Variants in GNPTAB observed in about 807,000 individuals in gnomAD.
GNPTAB encodes N-acetylglucosamine-1-phosphotransferase subunits alpha/beta.
GNPTAB carries 92 observed loss-of-function variants against 136.6 expected under a neutral mutation model. The ratio of observed to expected loss-of-function variants is 0.67; its 90% CI spans 0.57 to 0.80. The LOEUF (loss-of-function observed/expected upper bound fraction) is 0.80, where lower values mean the gene tolerates loss of function less well. GNPTAB is among the 30% of genes least tolerant of loss of function. The pLI, the probability that GNPTAB is intolerant of heterozygous loss-of-function variation, is 0.00. For missense variants in GNPTAB, 1,343 were observed against 1,501.8 expected (o/e 0.89, Z 1.75); for synonymous variants, 512 against 535.1 (o/e 0.96, Z 0.60).
intron 12 of GNPTAB, chr12:101,765,647 T>C (rs1466607668): frequency 5.4e-6 from 2 of 370,690 alleles, no homozygotes; most frequent in Non-Finnish European, 1.0e-5. Flanking sequence ...TGACTCACTA[T>C]AGAGATATGG....
chr12:101,759,196 T>C (rs941870857), intron 16 of GNPTAB, among the ~76,000 whole-genome samples: 20 of 152,006 alleles, frequency 1.3e-4, no homozygotes, highest in Non-Finnish European at 7.4e-5. Flanking sequence ...ACCCCGTCTC[T>C]ACTAAAAATA....
rs1181938103 is a variant in GNPTAB, at chr12:101,811,222, C to A, written c.118-14460G>T. 2.6e-5 allele frequency among the ~76,000 whole-genome samples: 4 copies of A among 152,154 alleles called. No homozygotes were observed. In the East Asian group the frequency reaches 7.7e-4, roughly 29 times the overall value. ...TTCTCCGTAAAAGACGAAATAGTAA[C>A]ATCTTAGACTTTGCAGGCCATATAG... On this transcript the variant is annotated intron_variant, in intron 1 of 20. Coordinates refer to ENST00000299314, the MANE Select transcript of GNPTAB (RefSeq NM_024312.5).
chr12:101,765,955 A>G, intron 12 of GNPTAB, 136 bp downstream of exon 12: 1 of 776,022 alleles, frequency 1.3e-6, no homozygotes, highest in South Asian at 1.4e-5. Context: ...TTACTTTCAT[A>G]ACTAGTTTGA....
intron 7 of GNPTAB, among the ~76,000 whole-genome samples, chr12:101,778,127 G>A (rs1261029785): frequency 6.6e-6 from 1 of 152,092 alleles, no homozygotes; most frequent in Non-Finnish European, 1.5e-5. Context: ...CCCAAAAATA[G>A]TTTGCTGAAT....
chr12:101,760,970 G>A (rs776571996), intron 15 of GNPTAB, among the ~76,000 whole-genome samples, 157 bp downstream of exon 15: 1 of 151,922 alleles, frequency 6.6e-6, no homozygotes, highest in African/African-American at 2.4e-5. Context: ...TAGTAGAGAC[G>A]GGGTTTCACC....
intron 7 of GNPTAB, 81 bp downstream of exon 7, chr12:101,780,071 G>GA (rs35246134): frequency 3.6e-6 from 5 of 1,379,748 alleles, no homozygotes; most frequent in African/African-American, 1.4e-5. Flanking sequence ...AACTTTGGGG[G>GA]AAAAAAATGG....
At chr12:101,779,365 T>C (rs528166156) in intron 7 of GNPTAB, 10 of 152,330 alleles carry the variant, frequency 6.6e-5, no homozygotes, top group African/African-American at 2.2e-4. Context: ...TCTGACAGAA[T>C]AGCAGGCATC....
At chr12:101,809,333 G>T (rs1277201292) in intron 1 of GNPTAB, among the ~76,000 whole-genome samples, 1 of 152,222 alleles carries the variant, frequency 6.6e-6, no homozygotes, top group African/African-American at 2.4e-5. Flanking sequence ...TTGATTGCTG[G>T]TGGGAATTCA....
intron 1 of GNPTAB, among the ~76,000 whole-genome samples, chr12:101,809,098 C>G (rs1315495343): frequency 2.6e-5 from 4 of 152,118 alleles, no homozygotes; most frequent in Non-Finnish European, 5.9e-5. Context: ...AATAAGGAAA[C>G]AAACAACCCA....
At chr12:101,778,218 G>GTTTCTATTTCC (rs1953287596) in intron 7 of GNPTAB, 1 of 152,168 alleles carries the variant, frequency 6.6e-6, no homozygotes, top group African/African-American at 2.4e-5. Context: ...GTCCGCACTG[G>GTTTCTATTTCC]TGGGCAGCTG....
At chr12:101,765,384 G>A in intron 12 of GNPTAB, 80 bp from the exon 13 acceptor site, 4 of 962,870 alleles carry the variant, frequency 4.2e-6, no homozygotes, top group Non-Finnish European at 6.6e-6. Flanking sequence ...TTGAGTCTGA[G>A]TTTTCACTTT....
chr12:101,751,951 G>A (rs563365622), intron 19 of GNPTAB, among the ~76,000 whole-genome samples: 17 of 151,232 alleles, frequency 1.1e-4, no homozygotes, highest in Middle Eastern at 6.8e-3. Flanking sequence ...CTACTACAGA[G>A]TTGTTAGAAT....
At chr12:101,784,298 A>AGGGAAG (rs545801040) in intron 5 of GNPTAB, among the ~76,000 whole-genome samples, 1 of 152,184 alleles carries the variant, frequency 6.6e-6, no homozygotes, top group Non-Finnish European at 1.5e-5. Flanking sequence ...ATGTACTGAG[A>AGGGAAG]GGGAAGGGGA....
intron 10 of GNPTAB, among the ~76,000 whole-genome samples, chr12:101,768,963 T>C (rs1281200128): frequency 6.6e-6 from 1 of 152,214 alleles, no homozygotes; most frequent in Non-Finnish European, 1.5e-5. Context: ...TGTCCCCTTG[T>C]TAAGCCACAA....
chr12:101,775,874 A>T (rs535735372), intron 7 of GNPTAB, among the ~76,000 whole-genome samples: 2 of 152,342 alleles, frequency 1.3e-5, no homozygotes, highest in South Asian at 4.1e-4. Flanking sequence ...GGCCCTGACC[A>T]GAGCTTTGAG....
In GNPTAB at chr12:101,757,194, A is replaced by G; in HGVS notation, c.3434+18T>C. 7.8e-7 allele frequency: 1 copy of G among 1,276,086 alleles called. No individual in the cohort carries two copies. Among genetic ancestry groups the G allele is most frequent in the Non-Finnish European group, 1.1e-6 (1 of 875,960 alleles). The allele number at this position is 1,276,086 out of a possible 1,614,324, so 79.0% of individuals were successfully genotyped here. ...AGGTTTATTTGCATAATTAAAAATT[A>G]TATATAAAAATCAGTACCTAGGGTT... is the stretch of plus-strand genomic sequence containing the variant. On this transcript the variant is annotated intron_variant, in intron 18 of 20. Coordinates refer to ENST00000299314, the MANE Select transcript of GNPTAB (RefSeq NM_024312.5).
At chr12:101,796,430 T>G in intron 2 of GNPTAB, 1 of 637,492 alleles carries the variant, frequency 1.6e-6, no homozygotes, top group Non-Finnish European at 2.8e-6. Flanking sequence ...TACGGAATAC[T>G]TCATGAATTG....
intron 5 of GNPTAB, among the ~76,000 whole-genome samples, chr12:101,783,220 C>A (rs1237458019): frequency 6.6e-6 from 1 of 151,934 alleles, no homozygotes; most frequent in Non-Finnish European, 1.5e-5. Flanking sequence ...ACACAGCAGG[C>A]ACTTAATAAG....
intron 1 of GNPTAB, among the ~76,000 whole-genome samples, chr12:101,827,835 G>A (rs7968873): frequency 2.0e-5 from 3 of 151,944 alleles, no homozygotes; most frequent in African/African-American, 7.2e-5. Context: ...GCGTGATGGC[G>A]GGTGCCTATA....
Sources: allele counts gnomAD v4.1 joint callset (sites outside exome capture counted in the v4.1 genomes callset), GRCh38; gene constraint gnomAD v4.1.1; transcripts MANE v1.5; gene names NCBI Gene and HGNC (gene_info 2026-07-23, HGNC 2026-07-21).